Variants in TP53BP2 observed in about 807,000 individuals in gnomAD.
The protein encoded by TP53BP2 is apoptosis-stimulating of p53 protein 2.
In TP53BP2, 62 loss-of-function variants were observed where a neutral mutation model predicts 126.2. That is an observed-to-expected ratio of 0.49 (90% confidence interval 0.40 to 0.61). The LOEUF (loss-of-function observed/expected upper bound fraction) is 0.61, where lower values mean the gene tolerates loss of function less well. TP53BP2 is among the 20% of genes least tolerant of loss of function. The pLI is 0.00. For synonymous variants in TP53BP2, 485 were observed against 502.9 expected, an observed-to-expected ratio of 0.96 and a Z score of 0.48; for missense variants, 1,215 against 1,402.8, an observed-to-expected ratio of 0.87 and a Z score of 2.14.
chr1:223,784,944 A>T (rs1267487028), intron 16 of TP53BP2, among the ~76,000 whole-genome samples: 1 of 152,246 alleles, frequency 6.6e-6, no homozygotes, highest in Non-Finnish European at 1.5e-5. Flanking sequence ...AAATCCTCAA[A>T]CTAGGAAGGG....
chr1:223,786,961 G>A (rs182942405), intron 16 of TP53BP2, among the ~76,000 whole-genome samples: 2,513 of 149,614 alleles, frequency 0.017, 72 homozygotes, highest in African/African-American at 0.058. Flanking sequence ...CAATGGCATG[G>A]TCTCAGCTCA....
chr1:223,800,633 AAAG>A, intron 10 of TP53BP2, 64 bp downstream of exon 10: 5 of 1,178,452 alleles, frequency 4.2e-6, no homozygotes, highest in Non-Finnish European at 4.8e-6. Context: ...GGACTCTCTA[AAAG>A]AATACACAGC....
At chr1:223,791,863 T>C (rs1662166827) in intron 15 of TP53BP2, among the ~76,000 whole-genome samples, 1 of 152,184 alleles carries the variant, frequency 6.6e-6, no homozygotes, top group Non-Finnish European at 1.5e-5. Context: ...ATTATTATTA[T>C]TTAATATTGA....
intron 5 of TP53BP2, 34 bp from the exon 6 acceptor site, chr1:223,804,382 T>G: frequency 6.2e-7 from 1 of 1,600,850 alleles, no homozygotes; most frequent in Non-Finnish European, 8.5e-7. Context: ...GTATGTCATT[T>G]TAGGTAAGTA....
At chr1:223,802,426 T>C in intron 8 of TP53BP2, 82 bp from the exon 9 acceptor site, 1 of 1,384,078 alleles carries the variant, frequency 7.2e-7, no homozygotes, top group East Asian at 2.4e-5. Flanking sequence ...GACATTTTCT[T>C]ACTTTTTAAA....
chr1:223,800,377 A>G (rs1421145209), intron 10 of TP53BP2, among the ~76,000 whole-genome samples: 2 of 152,106 alleles, frequency 1.3e-5, no homozygotes, highest in Non-Finnish European at 2.9e-5. Context: ...ACTTGAGCCC[A>G]GGAGTCCAGT....
rs752964610 is a variant in TP53BP2 at position 223,798,563 on chromosome 1, C to T, written c.1600G>A (p.Gly534Arg). 10 of 1,614,144 alleles carry T rather than the reference C, an allele frequency of 6.2e-6. No individual in the cohort carries two copies. Among genetic ancestry groups the T allele is most frequent in the South Asian group, 1.1e-5 (1 of 91,088 alleles). Residue 534 changes from glycine (G) to arginine (R), a missense_variant, in exon 12 of 18, where the codon GGA becomes AGA. This residue lies in a region of TP53BP2 where 814 missense variants were observed against 853.0 expected (regional missense o/e 0.95). Transcript: ENST00000343537. ...ACTGTTGACAACTGCTGAGAACTTCCGTCTGGCTTAATGTCTGAAGGTGGC... is the reference window on the plus strand; with the variant it reads ...ACTGTTGACAACTGCTGAGAACTTCTGTCTGGCTTAATGTCTGAAGGTGGC... ...NQPPSDIKPD[G>R]SSQQLSTVVP...
At chr1:223,804,469 C>A in intron 5 of TP53BP2, 121 bp from the exon 6 acceptor site, 1 of 873,300 alleles carries the variant, frequency 1.1e-6, no homozygotes, top group South Asian at 1.5e-5. Flanking sequence ...CTGGTCTGGT[C>A]TCACCTTCTT....
At chr1:223,826,408 C>G (rs1377070032) in intron 1 of TP53BP2, among the ~76,000 whole-genome samples, 2 of 152,126 alleles carry the variant, frequency 1.3e-5, no homozygotes, top group African/African-American at 4.8e-5. Flanking sequence ...TACTGCCGGT[C>G]TAGAAACCAC....
At chr1:223,794,311 C>A (rs911814280) in intron 13 of TP53BP2, among the ~76,000 whole-genome samples, 1 of 152,116 alleles carries the variant, frequency 6.6e-6, no homozygotes, top group African/African-American at 2.4e-5. Context: ...TGGAAAATTG[C>A]CAAGTTTTAA....
intron 16 of TP53BP2, among the ~76,000 whole-genome samples, chr1:223,785,732 A>G (rs1356386329): frequency 6.6e-6 from 1 of 152,188 alleles, no homozygotes; most frequent in East Asian, 1.9e-4. Context: ...TTACTTTGCT[A>G]TTTATCAGAT....
rs1664250915 is a variant in TP53BP2 at position 223,845,731 on chromosome 1, G to A, written c.-51C>T. 3.4e-6 allele frequency: 5 copies of A among 1,478,330 alleles called. No individual in the cohort carries two copies. The Admixed American group carries it at 6.6e-5, about 20-fold the overall frequency. The allele number at this position is 1,478,330 out of a possible 1,614,324, so 91.6% of individuals were successfully genotyped here. On this transcript the variant is annotated 5_prime_UTR_variant, in exon 1 of 18. Coordinates refer to ENST00000343537, the MANE Select transcript of TP53BP2 (RefSeq NM_001031685.3). ...CCGGCCGAGCTGAGGTGCCCCGGAG[G>A]GTCGCGGATGCGGGGGAGGGGAGCG...
At chr1:223,844,702 G>A (rs1195304340) in intron 1 of TP53BP2, among the ~76,000 whole-genome samples, 1 of 152,096 alleles carries the variant, frequency 6.6e-6, no homozygotes, top group African/African-American at 2.4e-5. Context: ...ACACAAGCAG[G>A]GGGCCAGGGA....
chr1:223,834,982 CCTA>C (rs1663869655), intron 1 of TP53BP2: 1 of 420,708 alleles, frequency 2.4e-6, no homozygotes, highest in Non-Finnish European at 3.2e-6. Context: ...TTTTCCTCCT[CCTA>C]CATTATAACT....
intron 1 of TP53BP2, among the ~76,000 whole-genome samples, chr1:223,827,329 GA>G (rs1236103638): frequency 6.6e-6 from 1 of 152,180 alleles, no homozygotes; most frequent in Non-Finnish European, 1.5e-5. Context: ...AAAAAAGGAA[GA>G]AGTCCAGAAG....
At chr1:223,842,159 C>T (rs1664122278) in intron 1 of TP53BP2, among the ~76,000 whole-genome samples, 1 of 152,128 alleles carries the variant, frequency 6.6e-6, no homozygotes, top group Non-Finnish European at 1.5e-5. Context: ...AGGCTGGTCT[C>T]AAACTCCTGA....
chr1:223,803,659 A>G lies in TP53BP2; in HGVS notation c.650-207T>C, dbSNP rs143953986. ...TGTGCTTCAATATCAATGTATATTTATCAGAATTTGCATTAAAAATATTAT... is the reference window on the plus strand; with the variant it reads ...TGTGCTTCAATATCAATGTATATTTGTCAGAATTTGCATTAAAAATATTAT... On this transcript the variant is annotated intron_variant, in intron 6 of 17. Coordinates refer to ENST00000343537, the MANE Select transcript of TP53BP2 (RefSeq NM_001031685.3). Among the ~76,000 whole-genome samples the G allele has an allele frequency of 4.2e-3, 647 of 152,366 alleles. 29 individuals are homozygous for G. The East Asian group carries it at 0.1, about 25-fold the overall frequency.
chr1:223,813,534 C>T, intron 3 of TP53BP2, among the ~76,000 whole-genome samples: 1 of 152,106 alleles, frequency 6.6e-6, no homozygotes, highest in Middle Eastern at 3.2e-3. Flanking sequence ...TATCACCTTG[C>T]CAATACCCTC....
In TP53BP2 at chr1:223,793,206, C is replaced by T; in HGVS notation, c.2862+97G>A. The T allele has an allele frequency of 9.6e-6, 8 of 829,222 alleles. No homozygotes were observed. The South Asian group carries it at 2.1e-4, about 22-fold the overall frequency. The allele number at this position is 829,222 out of a possible 1,614,324, so 51.4% of individuals were successfully genotyped here. ...CTAATTAGAGCTTTAAAACAAAATA[C>T]AAGGTCATATTTTAAAAATTTACTA... On this transcript the variant is annotated intron_variant, in intron 14 of 17. Coordinates refer to ENST00000343537, the MANE Select transcript of TP53BP2 (RefSeq NM_001031685.3).
Sources: gnomAD v4.1 joint callset for allele counts (sites outside exome capture counted in the v4.1 genomes callset) on GRCh38, gnomAD v4.1.1 for gene constraint, gnomAD v4.1.1 regional missense constraint, MANE v1.5 for transcripts, NCBI Gene and HGNC (gene_info 2026-07-23, HGNC 2026-07-21) for gene names.